Variants in ASNS observed in about 807,000 individuals in gnomAD.
ASNS encodes the protein asparagine synthetase [glutamine-hydrolyzing].
ASNS carries 37 observed loss-of-function variants against 62.6 expected under a neutral mutation model. That is an observed-to-expected ratio of 0.59 (90% CI 0.45 to 0.78). ASNS has a LOEUF of 0.78. Ranked by LOEUF, ASNS falls within the 30% of genes least tolerant of loss-of-function variation. The pLI is 0.00. For synonymous variants in ASNS, 207 were observed against 237.9 expected (o/e 0.87, Z 1.19); for missense variants, 520 against 682.4 (o/e 0.76, Z 2.65).
chr7:97,866,330 T>C (rs1360909299), intron 3 of ASNS, among the ~76,000 whole-genome samples: 1 of 152,208 alleles, frequency 6.6e-6, no homozygotes, highest in African/African-American at 2.4e-5. Context: ...TGGATGACAA[T>C]GCCCAGTGCT....
chr7:97,874,288 A>C (rs1792394513), upstream of ASNS, among the ~76,000 whole-genome samples: 3 of 152,150 alleles, frequency 2.0e-5, no homozygotes, highest in African/African-American at 4.8e-5. Context: ...GTTTAAGGTT[A>C]TCTCTCTTAT....
chr7:97,895,705 C>T, the ASNS span, among the ~76,000 whole-genome samples: 5 of 152,190 alleles, frequency 3.3e-5, no homozygotes, highest in East Asian at 5.8e-4. Context: ...GCAGGAGAAT[C>T]GCTTGAACCC....
chr7:97,915,886 T>C, the ASNS span, among the ~76,000 whole-genome samples: 1 of 152,114 alleles, frequency 6.6e-6, no homozygotes, highest in Non-Finnish European at 1.5e-5. Flanking sequence ...GATTCAGCAA[T>C]GACTAAATAG....
At chr7:97,862,539 G>A (rs1791770882) in intron 4 of ASNS, among the ~76,000 whole-genome samples, 1 of 151,914 alleles carries the variant, frequency 6.6e-6, no homozygotes, top group South Asian at 2.1e-4. Context: ...TGTAATGGTG[G>A]GTACATGGCA....
At chr7:97,883,266 T>C in the ASNS span, among the ~76,000 whole-genome samples, 2 of 152,312 alleles carry the variant, frequency 1.3e-5, no homozygotes, top group African/African-American at 4.8e-5. Context: ...TTGTTGGCTG[T>C]TAAAAAAAAT....
chr7:97,918,188 C>T, the ASNS span, among the ~76,000 whole-genome samples: 3 of 152,092 alleles, frequency 2.0e-5, no homozygotes, highest in South Asian at 2.1e-4. Flanking sequence ...GAAAGAGAGG[C>T]GGTCGTGCCA....
the ASNS span, among the ~76,000 whole-genome samples, chr7:97,916,599 C>A: frequency 6.6e-6 from 1 of 152,092 alleles, no homozygotes; most frequent in Non-Finnish European, 1.5e-5. Context: ...TGTGAACAAG[C>A]CTATGGTGGA....
chr7:97,864,940 C>T (rs1401874535), intron 3 of ASNS, among the ~76,000 whole-genome samples: 2 of 152,162 alleles, frequency 1.3e-5, no homozygotes, highest in Non-Finnish European at 2.9e-5. Flanking sequence ...CAAGTCTAAA[C>T]ATGAACTTCA....
the ASNS span, among the ~76,000 whole-genome samples, chr7:97,896,741 C>CACATAT: frequency 1.8e-3 from 35 of 19,778 alleles, 2 homozygotes; most frequent in Admixed American, 4.7e-3. Context: ...CACACACACA[C>CACATAT]ATATATATAT....
chr7:97,895,564 T>C, the ASNS span, among the ~76,000 whole-genome samples: 1 of 152,154 alleles, frequency 6.6e-6, no homozygotes, highest in African/African-American at 2.4e-5. Context: ...GAGGCCAAGG[T>C]GGACGGATCA....
chr7:97,858,959 T>C lies in ASNS; in HGVS notation c.674-4A>G. 1 of 1,605,274 alleles carries C rather than the reference T, an allele frequency of 6.2e-7. No individual in the cohort carries two copies. The highest frequency in any genetic ancestry group is 8.5e-7 in the Non-Finnish European group (1 of 1,177,190). ...TTCACAGTTTCTATCTCAAAACCTATAAACACAGCAGTAAATCAAACAGCT... is the reference window on the plus strand; with the variant it reads ...TTCACAGTTTCTATCTCAAAACCTACAAACACAGCAGTAAATCAAACAGCT... On this transcript the variant is annotated splice_region_variant and splice_polypyrimidine_tract_variant and intron_variant, in intron 5 of 12. Coordinates refer to ENST00000394308, the MANE Select transcript of ASNS (RefSeq NM_001673.5).
intron 9 of ASNS, 77 bp from the exon 10 acceptor site, chr7:97,854,757 A>G (rs1477853257): frequency 6.3e-7 from 1 of 1,596,450 alleles, no homozygotes; most frequent in Non-Finnish European, 8.5e-7. Context: ...CTCCAATCCT[A>G]AAGGTGGATA....
chr7:97,903,504 C>T, the ASNS span, among the ~76,000 whole-genome samples: 10 of 152,268 alleles, frequency 6.6e-5, no homozygotes, highest in East Asian at 1.9e-4. Context: ...CATAAAAGCA[C>T]GGTTCCCCGA....
At chr7:97,883,856 C>T in the ASNS span, among the ~76,000 whole-genome samples, 2 of 152,050 alleles carry the variant, frequency 1.3e-5, no homozygotes, top group East Asian at 1.9e-4. Flanking sequence ...GGCGTGGTGG[C>T]GGGCGCCTGT....
At chr7:97,891,169 G>A in the ASNS span, among the ~76,000 whole-genome samples, 2 of 152,248 alleles carry the variant, frequency 1.3e-5, no homozygotes, top group Admixed American at 6.5e-5. Flanking sequence ...AGCAAGTCAT[G>A]TCTCACATGG....
the ASNS span, among the ~76,000 whole-genome samples, chr7:97,927,697 C>T: frequency 1.3e-5 from 2 of 152,282 alleles, no homozygotes; most frequent in Non-Finnish European, 2.9e-5. Flanking sequence ...GAACCTCTCC[C>T]TTCTCATCCT....
At chr7:97,880,507 C>T in the ASNS span, among the ~76,000 whole-genome samples, 1 of 152,134 alleles carries the variant, frequency 6.6e-6, no homozygotes, top group Non-Finnish European at 1.5e-5. Flanking sequence ...AGGGCGAACA[C>T]AGGGGAAACC....
the ASNS span, chr7:97,909,014 A>C: frequency 6.6e-6 from 1 of 152,304 alleles, no homozygotes; most frequent in African/African-American, 2.4e-5. Flanking sequence ...TTTCCTTCCT[A>C]GCACAGGAAA....
At chr7:97,855,565 A>G in intron 8 of ASNS, 106 bp from the exon 9 acceptor site, 1 of 668,100 alleles carries the variant, frequency 1.5e-6, no homozygotes, top group East Asian at 2.7e-5. Flanking sequence ...ACTATACTGG[A>G]CTTCATATTA....
Sources: gnomAD v4.1 joint callset for allele counts (sites outside exome capture counted in the v4.1 genomes callset) on GRCh38, gnomAD v4.1.1 for gene constraint, MANE v1.5 for transcripts, NCBI Gene and HGNC (gene_info 2026-07-23, HGNC 2026-07-21) for gene names.